Variants in COQ8A observed in about 807,000 individuals in gnomAD.
COQ8A encodes the protein atypical kinase COQ8A, mitochondrial.
Under a neutral mutation model 65.0 loss-of-function variants are expected in COQ8A, and 51 were observed. That is an observed-to-expected ratio of 0.78 (90% CI 0.63 to 0.99). The LOEUF is 0.99. Among genes scored for constraint, COQ8A ranks in the 50% least tolerant of loss-of-function variants. The pLI, the probability that COQ8A is intolerant of heterozygous loss-of-function variation, is 0.00. For synonymous variants in COQ8A, 371 were observed against 353.2 expected (o/e 1.05, Z -0.57); for missense variants, 940 against 875.0 (o/e 1.07, Z -0.94).
intron 2 of COQ8A, among the ~76,000 whole-genome samples, chr1:226,962,155 G>T (rs886161452): frequency 6.6e-6 from 1 of 152,174 alleles, no homozygotes; most frequent in Non-Finnish European, 1.5e-5. Context: ...CTGAGCCTCC[G>T]CCAAGGCCTG....
intron 4 of COQ8A, among the ~76,000 whole-genome samples, chr1:226,966,438 G>C (rs1658574161): frequency 6.6e-6 from 1 of 152,236 alleles, no homozygotes; most frequent in Non-Finnish European, 1.5e-5. Flanking sequence ...AGATGTTCCT[G>C]TTAAAGTGCC....
chr1:226,984,486 A>C (rs1450290428), intron 11 of COQ8A, 62 bp from the exon 12 acceptor site: 12 of 1,445,320 alleles, frequency 8.3e-6, no homozygotes, highest in Middle Eastern at 1.7e-4. Flanking sequence ...CTCTGGCCCC[A>C]GTCTCCCAGG....
intron 1 of COQ8A, among the ~76,000 whole-genome samples, chr1:226,942,153 T>A (rs1365385208): frequency 6.6e-6 from 1 of 151,992 alleles, no homozygotes; most frequent in Non-Finnish European, 1.5e-5. Context: ...AAATCTCCCT[T>A]GATTGAGAAC....
At position 226,977,446 on chromosome 1, in the gene COQ8A, C is replaced by T. The variant is rs377393690; in HGVS notation, c.656-3C>T. 7 of 1,560,046 alleles carry T rather than the reference C, an allele frequency of 4.5e-6. No homozygotes were observed. The highest frequency in any genetic ancestry group is 2.6e-6 in the Non-Finnish European group (3 of 1,152,194). ...CTGAGTGCCCGCCCCCTCCTCCTTG[C>T]AGGTCTGGCCGTGGGCCTGGGCTTC... On this transcript the variant is annotated splice_polypyrimidine_tract_variant and splice_region_variant and intron_variant, in intron 4 of 14. Transcript: ENST00000366777.
chr1:226,952,570 C>T (rs1033543803), intron 1 of COQ8A, among the ~76,000 whole-genome samples: 5 of 152,184 alleles, frequency 3.3e-5, no homozygotes, highest in African/African-American at 9.6e-5. Flanking sequence ...TGCAGCACCA[C>T]GCCTGGCTAA....
intron 6 of COQ8A, chr1:226,982,432 AT>A (rs754097410): frequency 1.6e-6 from 1 of 645,154 alleles, no homozygotes; most frequent in Non-Finnish European, 2.7e-6. Context: ...TTCTTTTGTA[AT>A]TATGAAAAAC....
Position 226,985,360 on chromosome 1 carries a change from A to T in COQ8A, c.1659+20A>T. 1 of 1,612,152 alleles carries T rather than the reference A, an allele frequency of 6.2e-7. No individual in the cohort carries two copies. Among genetic ancestry groups the T allele is most frequent in the Non-Finnish European group, 8.5e-7 (1 of 1,179,138 alleles). Reference sequence around the variant, plus strand: ...GTCAAGGTGAGCAGGGTTGCGGGGGATCCCCTGGGCCTGCTGACCCAGGGC... The same window carrying T: ...GTCAAGGTGAGCAGGGTTGCGGGGGTTCCCCTGGGCCTGCTGACCCAGGGC... On this transcript the variant is annotated intron_variant, in intron 14 of 14. Transcript: ENST00000366777.
In COQ8A at chr1:226,964,203, G is replaced by T. The variant is rs75056017; in HGVS notation, c.178-797G>T. On this transcript the variant is annotated intron_variant, in intron 2 of 14. Transcript: ENST00000366777. ...GGCCACTGGTCTCCCTCTAGAAGCC[G>T]GTGCTGTTCTAATTATAGGCTCCTG... Among the ~76,000 whole-genome samples, 378 of 152,288 alleles carry T rather than the reference G, an allele frequency of 2.5e-3. 9 individuals are homozygous for T. The East Asian group carries it at 0.047, about 19-fold the overall frequency.
rs761704776 is a variant in COQ8A at position 226,982,165 on chromosome 1, G to A, written c.853+16G>A. 6.4e-7 allele frequency: 1 copy of A among 1,565,642 alleles called. No homozygotes were observed. Among genetic ancestry groups the A allele is most frequent in the African/African-American group, 1.4e-5 (1 of 73,520 alleles). Reference sequence around the variant, plus strand: ...AGCATCCAGGGTGAGTGGGCGCGGGGGCTGCTGCCCCGGGACTGCGTGGGC... The same window carrying A: ...AGCATCCAGGGTGAGTGGGCGCGGGAGCTGCTGCCCCGGGACTGCGTGGGC... On this transcript the variant is annotated intron_variant, in intron 6 of 14. Coordinates refer to ENST00000366777, the MANE Select transcript of COQ8A (RefSeq NM_020247.5).
chr1:226,956,003 C>T (rs1443446635), intron 1 of COQ8A, among the ~76,000 whole-genome samples: 2 of 140,444 alleles, frequency 1.4e-5, no homozygotes, highest in African/African-American at 2.9e-5. Context: ...GGTTCACACT[C>T]TCCCTGGCTC....
rs918746506 is a variant in COQ8A at position 226,987,072 on chromosome 1, A to G, written c.*335A>G. ...AGGGAGAGAGTCCTTACTCCCTTCCAATCTCTGTTCAGTGCAAAACCCAGA... is the reference window on the plus strand; with the variant it reads ...AGGGAGAGAGTCCTTACTCCCTTCCGATCTCTGTTCAGTGCAAAACCCAGA... On this transcript the variant is annotated 3_prime_UTR_variant, in exon 15 of 15. Transcript: ENST00000366777. 4 of 392,718 alleles carry G rather than the reference A, an allele frequency of 1.0e-5. No individual in the cohort carries two copies. The highest frequency in any genetic ancestry group is 1.1e-4 in the East Asian group (2 of 17,508). 24.3% of individuals were successfully genotyped at this position (392,718 alleles called of 1,614,324 possible).
chr1:226,983,994 G>A, intron 10 of COQ8A, 100 bp from the exon 11 acceptor site: 4 of 1,567,422 alleles, frequency 2.6e-6, no homozygotes, highest in Non-Finnish European at 3.5e-6. Flanking sequence ...TATCCTGCCT[G>A]GGGTGAAGGA....
intron 3 of COQ8A, 53 bp downstream of exon 3, chr1:226,965,463 A>G: frequency 6.3e-7 from 1 of 1,584,022 alleles, no homozygotes; most frequent in Non-Finnish European, 8.6e-7. Context: ...CACAGCAGTG[A>G]TGGCCTTGGG....
At chr1:226,945,694 TGC>T (rs1288440786) in intron 1 of COQ8A, among the ~76,000 whole-genome samples, 2 of 152,246 alleles carry the variant, frequency 1.3e-5, no homozygotes, top group Non-Finnish European at 1.5e-5. Context: ...ACCTGCTTGG[TGC>T]TCACGGTTCA....
At chr1:226,974,781 G>A (rs947940175) in intron 4 of COQ8A, 2 of 152,632 alleles carry the variant, frequency 1.3e-5, no homozygotes, top group Non-Finnish European at 2.9e-5. Context: ...GGTCCTGAGG[G>A]ACGTGTGGGG....
chr1:226,943,264 G>T (rs1350606550), intron 1 of COQ8A, among the ~76,000 whole-genome samples: 1 of 152,258 alleles, frequency 6.6e-6, no homozygotes, highest in Non-Finnish European at 1.5e-5. Context: ...AACAAGAGCT[G>T]TGTGCAAAAT....
In COQ8A at chr1:226,946,880, T is replaced by A. The variant is rs1435401322; in HGVS notation, c.-10+6481T>A. Among the ~76,000 whole-genome samples the A allele has an allele frequency of 2.0e-5, 3 of 152,062 alleles. No individual in the cohort carries two copies. Among genetic ancestry groups the A allele is most frequent in the African/African-American group, 7.3e-5 (3 of 41,378 alleles). ...GTGCCCGATGGCTCCTCCTAGCTCT[T>A]GCACACCCAGAGGCAGTCTTCAGTG... On this transcript the variant is annotated intron_variant, in intron 1 of 14. Transcript: ENST00000366777. This position sits in a 1 kb window ranked among gnomAD's most constrained non-coding sequence, Gnocchi z 5.3.
chr1:226,977,109 C>T (rs1048348826), intron 4 of COQ8A, among the ~76,000 whole-genome samples: 21 of 152,240 alleles, frequency 1.4e-4, no homozygotes, highest in Admixed American at 7.2e-4. Flanking sequence ...ATCCCTGGTC[C>T]GTCTTCCCAT....
In COQ8A at chr1:226,984,695, A is replaced by C. The variant is rs908017985; in HGVS notation, c.1506+40A>C. 8 of 1,583,392 alleles carry C rather than the reference A, an allele frequency of 5.1e-6. No homozygotes were observed. In the Admixed American group the frequency reaches 6.7e-5, roughly 13 times the overall value. On this transcript the variant is annotated intron_variant, in intron 12 of 14. Transcript: ENST00000366777. The stretch of plus-strand genomic sequence containing the variant: ...GGGGGCACCCGCAGCCAGGCCTGAG[A>C]GCTTCTCCGAATGGGGCACGTGAGG...
Sources: gnomAD v4.1 joint callset for allele counts (sites outside exome capture counted in the v4.1 genomes callset) on GRCh38, gnomAD v4.1.1 for gene constraint, Gnocchi (gnomAD v3.1) non-coding constraint, MANE v1.5 for transcripts, NCBI Gene and HGNC (gene_info 2026-07-23, HGNC 2026-07-21) for gene names.